PGM2: variants seen among roughly 807,000 people sequenced by gnomAD.
The protein encoded by PGM2 is phosphoglucomutase 2.
A neutral mutation model predicts 74.6 loss-of-function variants in PGM2; 57 were observed. The observed-to-expected ratio is 0.76, with a 90% CI of 0.62 to 0.95. The LOEUF (loss-of-function observed/expected upper bound fraction) is 0.95. Ranked by LOEUF, PGM2 falls within the 40% of genes least tolerant of loss-of-function variation. The probability of loss-of-function intolerance (pLI) is 0.00; values close to 1 mark genes in which losing one functional copy is unlikely to be tolerated. For synonymous variants in PGM2, 273 were observed against 260.7 expected (o/e 1.05, Z -0.46); for missense variants, 706 against 741.9 (o/e 0.95, Z 0.56).
rs1474276358 is a variant in PGM2 at position 37,840,110 on chromosome 4, AG to A, written c.573del (p.Ile192PhefsTer9). The A allele has an allele frequency of 2.2e-5, 36 of 1,614,072 alleles. No homozygotes were observed. The highest frequency in any genetic ancestry group is 2.9e-5 in the Non-Finnish European group (34 of 1,179,932). Reference protein sequence around the residue: ...GAQIISPHDKGISQAIEENLE... With the variant: ...GAQIISPHDKXISQAIEENLE... The stretch of plus-strand genomic sequence containing the variant: ...CTCAGATCATTTCTCCTCACGATAA[AG>A]GGATTTCTCAAGCTATTGAAGAAAA... On this transcript the variant is annotated frameshift_variant, in exon 6 of 14. Coordinates refer to ENST00000381967, the MANE Select transcript of PGM2 (RefSeq NM_018290.4). LOFTEE classifies it high-confidence loss of function.
At chr4:37,834,559 A>G in intron 2 of PGM2, 59 bp from the exon 3 acceptor site, 2 of 845,972 alleles carry the variant, frequency 2.4e-6, no homozygotes, top group Non-Finnish European at 3.8e-6. Context: ...TAATTTTTCT[A>G]TATGGTATAT....
rs1431309881 is a variant in PGM2 at position 37,834,788 on chromosome 4, C to T, written c.356+64C>T. On this transcript the variant is annotated intron_variant, in intron 3 of 13. Transcript: ENST00000381967. Reference sequence around the variant, plus strand: ...TATTTTGCAGTTTTATTTTAATCACCATCTCAATAACTTGACTTTAATATA... The same window carrying T: ...TATTTTGCAGTTTTATTTTAATCACTATCTCAATAACTTGACTTTAATATA... The T allele has an allele frequency of 1.0e-5, 8 of 780,236 alleles. No individual in the cohort carries two copies. In the East Asian group the frequency reaches 1.8e-4, roughly 18 times the overall value. 48.3% of individuals were successfully genotyped at this position (780,236 alleles called of 1,614,324 possible).
chr4:37,836,310 G>T (rs559891998), intron 3 of PGM2, among the ~76,000 whole-genome samples: 3 of 152,180 alleles, frequency 2.0e-5, no homozygotes, highest in African/African-American at 7.2e-5. Context: ...CACCTGTAAC[G>T]CGTGAGACAT....
At position 37,848,522 on chromosome 4, in the gene PGM2, G is replaced by T. The variant is rs572454326; in HGVS notation, c.1283G>T (p.Gly428Val). ...GTATGTATGACGTGTGTTTCTGCAG[G>T]ATACATGTGCTGCCCTTTTGTTCTG... ...TVLFAFEEAI[G>V]YMCCPFVLDK... Residue 428 changes from glycine to valine, a missense_variant and splice_region_variant, in exon 11 of 14, where the codon GGA becomes GTA. Physicochemically the swap from Gly to Val is moderately radical, Grantham distance 109. This residue lies in a region of PGM2 where 359 missense variants were observed against 371.1 expected (regional missense o/e 0.97). Transcript: ENST00000381967. The T allele has an allele frequency of 1.2e-6, 2 of 1,612,668 alleles. No homozygotes were observed. The highest frequency in any genetic ancestry group is 2.7e-5 in the African/African-American group (2 of 74,974).
chr4:37,847,724 A>G (rs371136813), intron 10 of PGM2, among the ~76,000 whole-genome samples: 45 of 152,170 alleles, frequency 3.0e-4, no homozygotes, highest in Middle Eastern at 3.4e-3. Context: ...TGCTGTCATC[A>G]GAATGATACT....
Position 37,837,491 on chromosome 4 carries a change from C to A in PGM2, c.357-38C>A, listed in dbSNP as rs1158420830. ...TCCATCACTCACAGTCCTGATCACT[C>A]AACTCTCCTTTTCTTCCCTGTCACT... On this transcript the variant is annotated intron_variant, in intron 3 of 13. Coordinates refer to ENST00000381967, the MANE Select transcript of PGM2 (RefSeq NM_018290.4). 4 of 1,244,496 alleles carry A rather than the reference C, an allele frequency of 3.2e-6. No individual in the cohort carries two copies. The Admixed American group carries it at 6.7e-5, about 21-fold the overall frequency. 77.1% of individuals were successfully genotyped at this position (1,244,496 alleles called of 1,614,324 possible).
intron 7 of PGM2, among the ~76,000 whole-genome samples, chr4:37,844,929 C>T (rs1221467292): frequency 6.8e-6 from 1 of 146,774 alleles, no homozygotes; most frequent in South Asian, 2.1e-4. Flanking sequence ...GATTGCACCA[C>T]TGCACTCCAG....
In PGM2 at chr4:37,855,616, C is replaced by A; in HGVS notation, c.1611C>A (p.Pro537=). 2 of 1,613,400 alleles carry A rather than the reference C, an allele frequency of 1.2e-6. No individual in the cohort carries two copies. Among genetic ancestry groups the A allele is most frequent in the Non-Finnish European group, 1.7e-6 (2 of 1,179,718 alleles). Residue 537 remains proline (P), a synonymous_variant, in exon 13 of 14, where the codon CCC becomes CCA. Coordinates refer to ENST00000381967, the MANE Select transcript of PGM2 (RefSeq NM_018290.4). ...DSQPDKKAVL[P]TSKSSQMITF... Reference sequence around the variant, plus strand: ...TGTGCATTAATTCCTAGGTTCTTCCCACTAGTAAAAGCAGCCAAATGATCA... The same window carrying A: ...TGTGCATTAATTCCTAGGTTCTTCCAACTAGTAAAAGCAGCCAAATGATCA...
rs1711814477 is a variant in PGM2, at chr4:37,862,568, T to A, written c.*956T>A. The stretch of plus-strand genomic sequence containing the variant: ...ATCTGTACCTTCTATCTTCTCATAA[T>A]TCGTGGTCTTACAGCCTTCCAAAAT... On this transcript the variant is annotated 3_prime_UTR_variant, in exon 14 of 14. Transcript: ENST00000381967. 1 of 152,148 alleles carries A rather than the reference T, an allele frequency of 6.6e-6. No individual in the cohort carries two copies. The highest frequency in any genetic ancestry group is 1.5e-5 in the Non-Finnish European group (1 of 68,034). 9.4% of individuals were successfully genotyped at this position (152,148 alleles called of 1,614,324 possible).
chr4:37,849,070 CAAAAA>C (rs34584642), intron 11 of PGM2, among the ~76,000 whole-genome samples: 1 of 84,596 alleles, frequency 1.2e-5, no homozygotes, highest in Admixed American at 1.2e-4. Context: ...AACTCTGTCT[CAAAAA>C]AAAAAAAAAA....
chr4:37,855,688 G>A lies in PGM2; in HGVS notation c.1683G>A (p.Gly561=). ...GCGTGGCCACCATGCGCACCAGTGG[G>A]ACAGAGCCCAAAATCAAGTACTATG... is the stretch of plus-strand genomic sequence containing the variant. ...NGGVATMRTS[G]TEPKIKYYAE... The change falls in exon 13 of 14, where the codon GGG becomes GGA. Residue 561 remains glycine, a synonymous_variant. Transcript: ENST00000381967. The A allele has an allele frequency of 6.2e-7, 1 of 1,614,092 alleles. No individual in the cohort carries two copies. Among genetic ancestry groups the A allele is most frequent in the Non-Finnish European group, 8.5e-7 (1 of 1,179,978 alleles).
chr4:37,860,140 A>G lies in PGM2; in HGVS notation c.1737-1370A>G, dbSNP rs947514390. On this transcript the variant is annotated intron_variant, in intron 13 of 13. Transcript: ENST00000381967. ...CATGATTAAGAAATAAATTTGAATA[A>G]TAAATTAGTAATCAGTAAATTCACC... Among the ~76,000 whole-genome samples, 12 of 152,248 alleles carry G rather than the reference A, an allele frequency of 7.9e-5. 1 individual carries two copies. The highest frequency in any genetic ancestry group is 6.5e-4 in the Admixed American group (10 of 15,268).
intron 4 of PGM2, among the ~76,000 whole-genome samples, chr4:37,838,688 G>A (rs1464152924): frequency 6.6e-6 from 1 of 152,126 alleles, no homozygotes; most frequent in Admixed American, 6.5e-5. Context: ...TGTAGTTCAG[G>A]TTTCATTGTT....
At chr4:37,852,733 T>C (rs1311414899) in intron 12 of PGM2, among the ~76,000 whole-genome samples, 1 of 152,218 alleles carries the variant, frequency 6.6e-6, no homozygotes. Context: ...GCCATACTTA[T>C]TCAGTCCTTT....
intron 4 of PGM2, 194 bp from the exon 5 acceptor site, chr4:37,839,654 G>T (rs963824544): frequency 1.5e-6 from 1 of 686,472 alleles, no homozygotes; most frequent in Non-Finnish European, 2.7e-6. Context: ...AATACATCCT[G>T]GAATTATGAG....
intron 10 of PGM2, among the ~76,000 whole-genome samples, chr4:37,847,938 C>T (rs1303970958): frequency 6.6e-6 from 1 of 152,236 alleles, no homozygotes; most frequent in South Asian, 2.1e-4. Context: ...AACACTAACA[C>T]ATGATTTAAC....
chr4:37,855,719 C>T lies in PGM2; in HGVS notation c.1714C>T (p.Leu572=), dbSNP rs926768491. 6.2e-7 allele frequency: 1 copy of T among 1,612,468 alleles called. No individual in the cohort carries two copies. Among genetic ancestry groups the T allele is most frequent in the Non-Finnish European group, 8.5e-7 (1 of 1,179,446 alleles). The change falls in exon 13 of 14, where the codon CTG becomes TTG. Residue 572 remains leucine (L), a synonymous_variant. Coordinates refer to ENST00000381967, the MANE Select transcript of PGM2 (RefSeq NM_018290.4). The stretch of plus-strand genomic sequence containing the variant: ...GCCCAAAATCAAGTACTATGCAGAG[C>T]TGTGTGCCCCACCTGGGAACAGGTA... ...TEPKIKYYAE[L]CAPPGNSDPE... is the part of the protein sequence containing the mutation.
intron 11 of PGM2, 122 bp downstream of exon 11, chr4:37,848,773 AT>A: frequency 1.2e-6 from 1 of 812,232 alleles, no homozygotes. Context: ...TCTATTTCTT[AT>A]AAAAATTAAA....
chr4:37,828,916 GGTTTACT>G (rs1725366225), intron 1 of PGM2, among the ~76,000 whole-genome samples: 1 of 152,146 alleles, frequency 6.6e-6, no homozygotes, highest in Non-Finnish European at 1.5e-5. Flanking sequence ...AAAAAGATGG[GGTTTACT>G]TGATTCCCAT....
Sources: gnomAD v4.1 joint callset for allele counts (sites outside exome capture counted in the v4.1 genomes callset) on GRCh38, gnomAD v4.1.1 for gene constraint, gnomAD v4.1.1 regional missense constraint, MANE v1.5 for transcripts, NCBI Gene and HGNC (gene_info 2026-07-23, HGNC 2026-07-21) for gene names.